Variants in NEBL observed in about 807,000 individuals in gnomAD.
NEBL encodes the protein LIM and SH3 protein 2.
Under a neutral mutation model 140.2 loss-of-function variants are expected in NEBL, and 122 were observed. The observed-to-expected ratio is 0.87, with a 90% CI of 0.75 to 1.01. The LOEUF (loss-of-function observed/expected upper bound fraction) is 1.01, where lower values mean the gene tolerates loss of function less well. Ranked by LOEUF, NEBL falls within the 50% of genes least tolerant of loss-of-function variation. The pLI, the probability that NEBL is intolerant of heterozygous loss-of-function variation, is 0.00. For missense variants in NEBL, 1,365 were observed against 1,231.3 expected, an observed-to-expected ratio of 1.11 and a Z score of -1.62; for synonymous variants, 436 against 398.9, an observed-to-expected ratio of 1.09 and a Z score of -1.11.
At chr10:20,828,249 T>C (rs1461850107) in intron 17 of NEBL, among the ~76,000 whole-genome samples, 1 of 152,182 alleles carries the variant, frequency 6.6e-6, no homozygotes, top group Non-Finnish European at 1.5e-5. Context: ...AAAATCTGTG[T>C]AGAAGACAGA....
At chr10:21,191,343 C>T (rs1482960195) in intron 3 of NEBL, among the ~76,000 whole-genome samples, 2 of 152,142 alleles carry the variant, frequency 1.3e-5, no homozygotes, top group Non-Finnish European at 2.9e-5. Flanking sequence ...ATGAGGCACA[C>T]AGTGTATAAG....
intron 26 of NEBL, among the ~76,000 whole-genome samples, 173 bp downstream of exon 26, chr10:20,808,337 G>A (rs1315428624): frequency 6.6e-5 from 10 of 150,464 alleles, no homozygotes; most frequent in African/African-American, 1.2e-4. Flanking sequence ...CAAATTAGTA[G>A]GGTTTTTTCT....
intron 1 of NEBL, among the ~76,000 whole-genome samples, chr10:21,286,315 T>C (rs1342392269): frequency 6.6e-6 from 1 of 152,230 alleles, no homozygotes; most frequent in African/African-American, 2.4e-5. Flanking sequence ...ACATTCTTTG[T>C]AGCCCAGAGC....
At chr10:20,828,673 T>A in intron 16 of NEBL, 39 bp from the exon 17 acceptor site, 2 of 1,343,186 alleles carry the variant, frequency 1.5e-6, no homozygotes, top group Middle Eastern at 1.9e-4. Flanking sequence ...TGAAACTATG[T>A]GTGTGCGCAC....
At chr10:21,214,530 C>T (rs1246966682) in intron 3 of NEBL, among the ~76,000 whole-genome samples, 1 of 151,326 alleles carries the variant, frequency 6.6e-6, no homozygotes, top group East Asian at 1.9e-4. Context: ...GCACATTACA[C>T]ACACATACAC....
At chr10:21,080,981 A>C (rs11012516) in intron 2 of NEBL, among the ~76,000 whole-genome samples, 8 of 152,024 alleles carry the variant, frequency 5.3e-5, no homozygotes, top group African/African-American at 9.7e-5. Context: ...CAGCCTCCCA[A>C]GTAGCTGGGT....
chr10:21,272,223 C>T (rs1842869590), intron 1 of NEBL, among the ~76,000 whole-genome samples: 1 of 150,540 alleles, frequency 6.6e-6, no homozygotes, highest in Non-Finnish European at 1.5e-5. Context: ...CCTCGGCCTC[C>T]CAAAGTGCTG....
intron 19 of NEBL, among the ~76,000 whole-genome samples, chr10:20,822,355 ATC>A (rs1271382635): frequency 4.6e-5 from 7 of 151,920 alleles, no homozygotes; most frequent in African/African-American, 1.4e-4. Context: ...CTATCTATCT[ATC>A]TATAGGTCTA....
intron 3 of NEBL, among the ~76,000 whole-genome samples, chr10:21,242,505 A>G (rs2132265648): frequency 6.6e-6 from 1 of 152,338 alleles, no homozygotes; most frequent in African/African-American, 2.4e-5. Context: ...CCTATCAGGT[A>G]CTATGCTTAT....
intron 2 of NEBL, among the ~76,000 whole-genome samples, chr10:21,103,503 G>C (rs530519355): frequency 2.6e-5 from 4 of 152,046 alleles, no homozygotes; most frequent in Non-Finnish European, 2.9e-5. Context: ...ATGAGCCACC[G>C]CACCAGGCCT....
intron 4 of NEBL, among the ~76,000 whole-genome samples, chr10:20,906,960 T>G (rs1343078969): frequency 2.0e-5 from 3 of 152,136 alleles, no homozygotes. Flanking sequence ...CTACTAAGTC[T>G]TTAAAATCCT....
Position 20,835,587 on chromosome 10 carries a change from CT to C in NEBL, c.1374del (p.Gly461GlufsTer20). 1 of 1,612,274 alleles carries C rather than the reference CT, an allele frequency of 6.2e-7. No individual in the cohort carries two copies. On this transcript the variant is annotated frameshift_variant, in exon 14 of 28. Transcript: ENST00000377122. LOFTEE classifies it high-confidence loss of function. ...EYKKDLESII[K>X]GKGMQAGTDT... ...TCAGTGCCAGCTTGCATTCCTTTCC[CT>C]TTAATTATTGACTCCAGGTCTTTCT... is the stretch of plus-strand genomic sequence containing the variant.
At chr10:21,289,536 C>T (rs557361021) in intron 1 of NEBL, among the ~76,000 whole-genome samples, 8 of 152,260 alleles carry the variant, frequency 5.3e-5, no homozygotes, top group Middle Eastern at 3.4e-3. Flanking sequence ...ATGCTGTGGA[C>T]GTTGTCCCTT....
chr10:21,062,268 C>T (rs1344150422), intron 2 of NEBL, among the ~76,000 whole-genome samples: 1 of 151,866 alleles, frequency 6.6e-6, no homozygotes, highest in Non-Finnish European at 1.5e-5. Context: ...TGAGAGACTG[C>T]AGAAGTTAAG....
chr10:20,867,534 T>G (rs1045442870), intron 7 of NEBL, among the ~76,000 whole-genome samples: 2 of 152,170 alleles, frequency 1.3e-5, no homozygotes, highest in Non-Finnish European at 2.9e-5. Context: ...CATTTTTACA[T>G]AGTTAATGTG....
rs1013587566 is a variant in NEBL, at chr10:21,279,167, T to C, written n.182+13663A>G. On this transcript the variant is annotated intron_variant and non_coding_transcript_variant, in intron 1 of 8. Transcript: ENST00000675702. Reference sequence around the variant, plus strand: ...TGACATGGAAGAACAAAAGCAGCTATAGGCAGTAAGTAAACCAACCAGCCT... The same window carrying C: ...TGACATGGAAGAACAAAAGCAGCTACAGGCAGTAAGTAAACCAACCAGCCT... Among the ~76,000 whole-genome samples, 4 of 152,286 alleles carry C rather than the reference T, an allele frequency of 2.6e-5. No individual in the cohort carries two copies. In the South Asian group the frequency reaches 8.3e-4, roughly 32 times the overall value.
rs1357791640 is a variant in NEBL, at chr10:20,894,455, A to G, written c.153+2503T>C. ...ATGACAGAACTCCAGCCTGGGCAACAGAGTGAGACTCTGTCCAGAAAAATA... is the reference window on the plus strand; with the variant it reads ...ATGACAGAACTCCAGCCTGGGCAACGGAGTGAGACTCTGTCCAGAAAAATA... On this transcript the variant is annotated intron_variant, in intron 2 of 27. Transcript: ENST00000377122. Among the ~76,000 whole-genome samples the G allele has an allele frequency of 2.0e-5, 3 of 152,020 alleles. No individual in the cohort carries two copies. In the East Asian group the frequency reaches 5.8e-4, roughly 29 times the overall value.
chr10:20,800,964 T>C (rs894244594), intron 26 of NEBL, among the ~76,000 whole-genome samples: 3 of 152,182 alleles, frequency 2.0e-5, no homozygotes, highest in African/African-American at 7.2e-5. Flanking sequence ...CCAAGGAAAG[T>C]GTGCTGGGAC....
At chr10:20,855,948 C>T (rs904540487) in intron 9 of NEBL, among the ~76,000 whole-genome samples, 4 of 152,148 alleles carry the variant, frequency 2.6e-5, no homozygotes, top group Non-Finnish European at 5.9e-5. Flanking sequence ...CAATTTTTTA[C>T]ATTAAAATGT....
Sources: allele counts gnomAD v4.1 joint callset (sites outside exome capture counted in the v4.1 genomes callset), GRCh38; gene constraint gnomAD v4.1.1; transcripts MANE v1.5; gene names NCBI Gene and HGNC (gene_info 2026-07-23, HGNC 2026-07-21).